The following LAMA2 variants were observed in gnomAD, a reference collection of about 807,000 sequenced individuals.
LAMA2 encodes laminin subunit alpha-2.
A neutral mutation model predicts 364.8 loss-of-function variants in LAMA2; 269 were observed. That is an observed-to-expected ratio of 0.74 (90% CI 0.67 to 0.82). LAMA2 has a LOEUF of 0.82. Ranked by LOEUF, LAMA2 falls within the 40% of genes least tolerant of loss-of-function variation. LAMA2 has a pLI of 0.00. For missense variants in LAMA2, 3,807 were observed against 3,873.2 expected (o/e 0.98, Z 0.45); for synonymous variants, 1,379 against 1,370.6 (o/e 1.01, Z -0.14).
chr6:128,983,459 T>C (rs1186975688), intron 1 of LAMA2, among the ~76,000 whole-genome samples: 1 of 152,200 alleles, frequency 6.6e-6, no homozygotes, highest in Non-Finnish European at 1.5e-5. Context: ...CATTCACATG[T>C]TCCCAACTCT....
intron 12 of LAMA2, among the ~76,000 whole-genome samples, chr6:129,247,416 A>T (rs1203005918): frequency 1.3e-5 from 2 of 152,252 alleles, no homozygotes; most frequent in Admixed American, 1.3e-4. Context: ...GTGCCACTCC[A>T]CATCAGCCTG....
chr6:129,350,262 G>T (rs952282284), intron 31 of LAMA2, among the ~76,000 whole-genome samples: 26 of 152,178 alleles, frequency 1.7e-4, no homozygotes, highest in Non-Finnish European at 8.8e-5. Context: ...AAGATCCATA[G>T]ACTTCGCTCA....
At chr6:129,171,688 G>C (rs879680712) in intron 9 of LAMA2, among the ~76,000 whole-genome samples, 143 of 128,862 alleles carry the variant, frequency 1.1e-3, no homozygotes, top group African/African-American at 2.6e-3. Context: ...TCTTTGTGGC[G>C]TTCTCTGTAT....
intron 40 of LAMA2, among the ~76,000 whole-genome samples, chr6:129,410,093 G>A (rs1281176484): frequency 2.0e-5 from 3 of 152,016 alleles, no homozygotes; most frequent in Non-Finnish European, 4.4e-5. Flanking sequence ...TTTCAATCAG[G>A]TATATCCAAA....
chr6:129,280,095 G>C lies in LAMA2; in HGVS notation c.2485G>C (p.Gly829Arg), dbSNP rs753225553. Residue 829 changes from glycine to arginine, a missense_variant, in exon 18 of 65, where the codon GGA becomes CGA. By Grantham distance (125) the Gly-to-Arg change is moderately radical (BLOSUM62 -2). Transcript: ENST00000421865. ...SPTCHLDRSL[G>R]LICDGCPVGY... Reference sequence around the variant, plus strand: ...AACGTGCCATTTAGACCGGAGTCTTGGATTGATCTGTGATGGATGCCCTGT... The same window carrying C: ...AACGTGCCATTTAGACCGGAGTCTTCGATTGATCTGTGATGGATGCCCTGT... The C allele has an allele frequency of 1.2e-6, 2 of 1,613,518 alleles. No homozygotes were observed. Among genetic ancestry groups the C allele is most frequent in the Non-Finnish European group, 1.7e-6 (2 of 1,179,618 alleles).
At chr6:129,173,500 CTTGTCAGTG>C in intron 9 of LAMA2, among the ~76,000 whole-genome samples, 1 of 152,310 alleles carries the variant, frequency 6.6e-6, no homozygotes, top group South Asian at 2.1e-4. Context: ...TTCTTCACCA[CTTGTCAGTG>C]TCTGTCAATT....
intron 4 of LAMA2, among the ~76,000 whole-genome samples, chr6:129,103,916 TTGAA>T: frequency 6.6e-6 from 1 of 152,284 alleles, no homozygotes; most frequent in Non-Finnish European, 1.5e-5. Context: ...TCACTAAGCA[TTGAA>T]TGGTCATTTT....
At chr6:129,222,913 G>A (rs1224738344) in intron 12 of LAMA2, among the ~76,000 whole-genome samples, 22 of 152,100 alleles carry the variant, frequency 1.4e-4, no homozygotes, top group Admixed American at 9.8e-4. Flanking sequence ...TTGAGGAATC[G>A]CCCCACTGTC....
intron 51 of LAMA2, among the ~76,000 whole-genome samples, chr6:129,469,146 G>A (rs960080255): frequency 4.6e-5 from 7 of 151,946 alleles, no homozygotes; most frequent in African/African-American, 1.7e-4. Context: ...ACAGGAAGCT[G>A]TTTAAACTGT....
intron 1 of LAMA2, among the ~76,000 whole-genome samples, chr6:128,946,665 A>C (rs1780503841): frequency 6.6e-6 from 1 of 152,210 alleles, no homozygotes. Flanking sequence ...ACCTCTATTT[A>C]TATAGTCAAT....
intron 3 of LAMA2, among the ~76,000 whole-genome samples, chr6:129,068,456 CCTT>C (rs1409164878): frequency 1.3e-5 from 2 of 152,172 alleles, no homozygotes; most frequent in Admixed American, 6.5e-5. Context: ...TCATAGATGG[CCTT>C]CTTCTTGCTG....
In LAMA2 at chr6:128,971,812, C is replaced by T. The variant is rs555973693; in HGVS notation, c.113-78106C>T. Among the ~76,000 whole-genome samples, 3 of 152,156 alleles carry T rather than the reference C, an allele frequency of 2.0e-5. No individual in the cohort carries two copies. The South Asian group carries it at 6.2e-4, about 32-fold the overall frequency. ...AAGGAACAGGATGCCAGGATTTTAC[C>T]CCTCATATCTGTCAGTTATCGGCTA... On this transcript the variant is annotated intron_variant, in intron 1 of 64. Coordinates refer to ENST00000421865, the MANE Select transcript of LAMA2 (RefSeq NM_000426.4).
At chr6:129,445,862 T>C (rs1437669835) in intron 45 of LAMA2, 41 bp downstream of exon 45, 3 of 1,556,808 alleles carry the variant, frequency 1.9e-6, no homozygotes, top group Non-Finnish European at 2.7e-6. Flanking sequence ...CTGATTGTAA[T>C]TGTTGGATTA....
At chr6:129,503,922 T>C (rs1455134707) in intron 60 of LAMA2, among the ~76,000 whole-genome samples, 1 of 152,194 alleles carries the variant, frequency 6.6e-6, no homozygotes, top group Admixed American at 6.5e-5. Context: ...CACAGAAGGC[T>C]CATTTGCCAG....
chr6:128,932,635 G>A (rs1211473664), intron 1 of LAMA2, among the ~76,000 whole-genome samples: 1 of 152,094 alleles, frequency 6.6e-6, no homozygotes, highest in Non-Finnish European at 1.5e-5. Context: ...ACCACCTGTA[G>A]GATCAGGAAA....
chr6:129,129,920 T>G, intron 4 of LAMA2, among the ~76,000 whole-genome samples: 1 of 109,542 alleles, frequency 9.1e-6, no homozygotes, highest in Non-Finnish European at 1.7e-5. Flanking sequence ...CGAGATTCCG[T>G]CTCAAAAAAA....
intron 20 of LAMA2, among the ~76,000 whole-genome samples, chr6:129,296,256 C>T (rs1466441584): frequency 6.6e-6 from 1 of 151,782 alleles, no homozygotes; most frequent in Non-Finnish European, 1.5e-5. Flanking sequence ...ATTCCAATTT[C>T]TGATTATTTC....
At chr6:129,337,712 T>C (rs1397634049) in intron 29 of LAMA2, among the ~76,000 whole-genome samples, 3 of 152,060 alleles carry the variant, frequency 2.0e-5, no homozygotes, top group Admixed American at 1.3e-4. Context: ...AAGGAATATA[T>C]ACCAACAGTT....
At position 129,514,574 on chromosome 6, in the gene LAMA2, GTGTT is replaced by G; in HGVS notation, c.9195_9198del (p.Phe3065LeufsTer13). On this transcript the variant is annotated frameshift_variant, in exon 64 of 65. Transcript: ENST00000421865. LOFTEE classifies it high-confidence loss of function. ...TACATCAGCTGACACAAATGACCCT[GTGTT>G]TGTTGGAGGCTTCCCAGGTGAGTGT... The G allele has an allele frequency of 6.2e-7, 1 of 1,614,050 alleles. No homozygotes were observed. The highest frequency in any genetic ancestry group is 8.5e-7 in the Non-Finnish European group (1 of 1,179,984).
Sources: gnomAD v4.1 joint callset for allele counts (sites outside exome capture counted in the v4.1 genomes callset) on GRCh38, gnomAD v4.1.1 for gene constraint, MANE v1.5 for transcripts, NCBI Gene and HGNC (gene_info 2026-07-23, HGNC 2026-07-21) for gene names.